The following WDR77 variants were observed in gnomAD, a reference collection of about 807,000 sequenced individuals.
WDR77 encodes methylosome protein WDR77.
In WDR77, 31 loss-of-function variants were observed where a neutral mutation model predicts 44.0. The observed-to-expected ratio is 0.70, with a 90% confidence interval of 0.53 to 0.95. The LOEUF (loss-of-function observed/expected upper bound fraction) is 0.95. Among genes scored for constraint, WDR77 ranks in the 40% least tolerant of loss-of-function variants. The pLI, the probability that WDR77 is intolerant of heterozygous loss-of-function variation, is 0.00. For missense variants in WDR77, 390 were observed against 423.9 expected (o/e 0.92, Z 0.70); for synonymous variants, 186 against 165.7 (o/e 1.12, Z -0.94).
Position 111,449,057 on chromosome 1 carries a change from G to C in WDR77, c.113C>G (p.Ser38Cys). ...ERQLEAARYRSDGALLLGASS... is the reference protein window; with the variant it reads ...ERQLEAARYRCDGALLLGASS... The stretch of plus-strand genomic sequence containing the variant: ...CCAGGCCCGGGATCTCGGCTCACCG[G>C]ACCGGTACCGCGCAGCCTCCAACTG... The change falls in exon 1 of 10, where the codon TCC becomes TGC. Residue 38 changes from serine (S) to cysteine (C), a missense_variant and splice_region_variant. Physicochemically the swap from Ser to Cys is moderately radical, Grantham distance 112 (BLOSUM62 -1). Coordinates refer to ENST00000235090, the MANE Select transcript of WDR77 (RefSeq NM_024102.4). 1 of 1,587,598 alleles carries C rather than the reference G, an allele frequency of 6.3e-7. No individual in the cohort carries two copies. Among genetic ancestry groups the C allele is most frequent in the Non-Finnish European group, 8.6e-7 (1 of 1,168,376 alleles).
At chr1:111,441,462 A>C in intron 9 of WDR77, 73 bp from the exon 10 acceptor site, 1 of 1,408,108 alleles carries the variant, frequency 7.1e-7, no homozygotes, top group Non-Finnish European at 9.3e-7. Flanking sequence ...AGAGAACCCA[A>C]CACATCTGGG....
Position 111,440,159 on chromosome 1 carries a change from G to A in WDR77, c.*1071C>T, listed in dbSNP as rs1652746913. 6.6e-6 allele frequency: 1 copy of A among 152,082 alleles called. No individual in the cohort carries two copies. Among genetic ancestry groups the A allele is most frequent in the African/African-American group, 2.4e-5 (1 of 41,352 alleles). 9.4% of individuals were successfully genotyped at this position (152,082 alleles called of 1,614,324 possible). On this transcript the variant is annotated 3_prime_UTR_variant, in exon 10 of 10. Coordinates refer to ENST00000235090, the MANE Select transcript of WDR77 (RefSeq NM_024102.4). ...CCTTAAGTTCTAACTAGCTACTTTG[G>A]GAAGCTGGGGAAGCACAGGAAAAAT...
At chr1:111,444,922 T>A (rs1294423548) in intron 4 of WDR77, among the ~76,000 whole-genome samples, 2 of 152,250 alleles carry the variant, frequency 1.3e-5, no homozygotes, top group Middle Eastern at 3.2e-3. Context: ...TGACAGAAAA[T>A]TTAGTCTATC....
rs148269340 is a variant in WDR77 at position 111,448,626 on chromosome 1, G to C, written c.294C>G (p.Ser98=). The change falls in exon 2 of 10, where the codon TCC becomes TCG. Residue 98 remains serine (S), a synonymous_variant. Transcript: ENST00000235090. ...WVGERGILVA[S]DSGAVELWEL... The stretch of plus-strand genomic sequence containing the variant: ...AATGGGATAGTGACTCACCTGAATC[G>C]GAGGCCACTAGAATACCTCTCTCCC... 19 of 1,613,914 alleles carry C rather than the reference G, an allele frequency of 1.2e-5. No homozygotes were observed. In the African/African-American group the frequency reaches 2.4e-4, roughly 20 times the overall value.
intron 4 of WDR77, among the ~76,000 whole-genome samples, chr1:111,446,240 C>G (rs1253296288): frequency 1.3e-5 from 2 of 152,124 alleles, no homozygotes; most frequent in African/African-American, 4.8e-5. Flanking sequence ...CAGTGATCCC[C>G]CAGCATCTAA....
chr1:111,449,054 C>T lies in WDR77; in HGVS notation c.115+1G>A. The T allele has an allele frequency of 6.3e-7, 1 of 1,584,860 alleles. No individual in the cohort carries two copies. The highest frequency in any genetic ancestry group is 8.6e-7 in the Non-Finnish European group (1 of 1,166,910). ...CTCCCAGGCCCGGGATCTCGGCTCA[C>T]CGGACCGGTACCGCGCAGCCTCCAA... is the stretch of plus-strand genomic sequence containing the variant. On this transcript the variant is annotated splice_donor_variant, in intron 1 of 9. Transcript: ENST00000235090. LOFTEE classifies it high-confidence loss of function.
At chr1:111,444,934 T>C (rs1652966289) in intron 4 of WDR77, among the ~76,000 whole-genome samples, 1 of 152,278 alleles carries the variant, frequency 6.6e-6, no homozygotes, top group Non-Finnish European at 1.5e-5. Flanking sequence ...TAGTCTATCT[T>C]GGTCCACTGG....
intron 7 of WDR77, among the ~76,000 whole-genome samples, chr1:111,443,045 C>T (rs535587738): frequency 6.6e-6 from 1 of 152,348 alleles, no homozygotes; most frequent in Non-Finnish European, 1.5e-5. Context: ...TAGCAATCCA[C>T]TTGCTTTGTG....
chr1:111,444,179 G>C (rs2101743745), intron 4 of WDR77, 55 bp from the exon 5 acceptor site: 4 of 1,564,676 alleles, frequency 2.6e-6, no homozygotes, highest in African/African-American at 1.4e-5. Flanking sequence ...AGCATTACTA[G>C]AGGGCCAGCC....
intron 7 of WDR77, 25 bp downstream of exon 7, chr1:111,443,298 T>C: frequency 1.3e-6 from 2 of 1,549,446 alleles, no homozygotes; most frequent in Non-Finnish European, 1.7e-6. Context: ...CCAGAGTCAA[T>C]ATGAAGTCTG....
chr1:111,441,063 G>A lies in WDR77; in HGVS notation c.*167C>T, dbSNP rs532588272. The A allele has an allele frequency of 1.4e-5, 9 of 659,808 alleles. No individual in the cohort carries two copies. The highest frequency in any genetic ancestry group is 1.9e-5 in the African/African-American group (1 of 53,706). The allele number at this position is 659,808 out of a possible 1,614,324, so 40.9% of individuals were successfully genotyped here. The stretch of plus-strand genomic sequence containing the variant: ...AAAGCTTTTCCTCCCTGTGACTACA[G>A]GAACCCAGAATCCAGCCTCCCTCAG... On this transcript the variant is annotated 3_prime_UTR_variant, in exon 10 of 10. Transcript: ENST00000235090.
chr1:111,448,506 C>T, intron 2 of WDR77, 113 bp downstream of exon 2: 3 of 1,289,272 alleles, frequency 2.3e-6, no homozygotes, highest in Non-Finnish European at 3.3e-6. Flanking sequence ...TCTCAGGCTC[C>T]TCCAAGCACT....
intron 4 of WDR77, among the ~76,000 whole-genome samples, chr1:111,444,326 A>G (rs1652934952): frequency 6.6e-6 from 1 of 152,148 alleles, no homozygotes; most frequent in Admixed American, 6.5e-5. Context: ...AGCCTTGTAA[A>G]AAAAAAACGT....
chr1:111,446,990 A>T, intron 4 of WDR77, 105 bp downstream of exon 4: 1 of 1,182,968 alleles, frequency 8.5e-7, no homozygotes, highest in Non-Finnish European at 1.2e-6. Flanking sequence ...GTTTTACAAG[A>T]AAACTATCAG....
chr1:111,446,920 A>T, intron 4 of WDR77, 175 bp downstream of exon 4: 1 of 662,226 alleles, frequency 1.5e-6, no homozygotes, highest in Admixed American at 3.0e-5. Context: ...AAAAAAAAAG[A>T]AAGAAAGAAA....
In WDR77 at chr1:111,449,170, C is replaced by T; in HGVS notation, c.-1G>A. ...GGGGGGGTGGGGTTTCCTTCCGCAT[C>T]TCCACGGTTCCAACTCCAACCTAGA... is the stretch of plus-strand genomic sequence containing the variant. On this transcript the variant is annotated 5_prime_UTR_variant, in exon 1 of 10. Coordinates refer to ENST00000235090, the MANE Select transcript of WDR77 (RefSeq NM_024102.4). The T allele has an allele frequency of 6.4e-7, 1 of 1,574,308 alleles. No homozygotes were observed. The highest frequency in any genetic ancestry group is 1.3e-5 in the African/African-American group (1 of 74,568).
At chr1:111,446,996 A>G (rs1368903479) in intron 4 of WDR77, 99 bp downstream of exon 4, 1 of 1,233,838 alleles carries the variant, frequency 8.1e-7, no homozygotes, top group Non-Finnish European at 1.2e-6. Flanking sequence ...CAAGAAAACT[A>G]TCAGAACATG....
intron 9 of WDR77, chr1:111,441,594 A>G: frequency 1.5e-6 from 2 of 1,292,398 alleles, no homozygotes; most frequent in Non-Finnish European, 9.8e-7. Flanking sequence ...ATTTTCATAG[A>G]TGAAGAAATG....
In WDR77 at chr1:111,444,093, G is replaced by C. The variant is rs1652923725; in HGVS notation, c.525C>G (p.Ala175=). ...GAAACACAGAGTCCTTGTGAGGAGAGGCAGCAACACAAGTGACCTGAGCAG... is the reference window on the plus strand; with the variant it reads ...GAAACACAGAGTCCTTGTGAGGAGACGCAGCAACACAAGTGACCTGAGCAG... ...AHAAQVTCVA[A]SPHKDSVFLS... Residue 175 remains alanine (A), a synonymous_variant, in exon 5 of 10, where the codon GCC becomes GCG. Coordinates refer to ENST00000235090, the MANE Select transcript of WDR77 (RefSeq NM_024102.4). 2 of 1,614,002 alleles carry C rather than the reference G, an allele frequency of 1.2e-6. No homozygotes were observed. Among genetic ancestry groups the C allele is most frequent in the Non-Finnish European group, 1.7e-6 (2 of 1,180,036 alleles).
Sources: allele counts gnomAD v4.1 joint callset (sites outside exome capture counted in the v4.1 genomes callset), GRCh38; gene constraint gnomAD v4.1.1; transcripts MANE v1.5; gene names NCBI Gene and HGNC (gene_info 2026-07-23, HGNC 2026-07-21).